The following SNURF variants were observed in gnomAD, a reference collection of about 807,000 sequenced individuals.
SNURF encodes the protein SNURF protein.
SNURF carries 6 observed loss-of-function variants against 11.6 expected under a neutral mutation model. The observed-to-expected ratio is 0.52, with a 90% CI of 0.28 to 1.02. SNURF has a LOEUF of 1.02. SNURF is among the 50% of genes least tolerant of loss of function. SNURF has a pLI of 0.09. For synonymous variants in SNURF, 29 were observed against 31.6 expected, an observed-to-expected ratio of 0.92 and a Z score of 0.27; for missense variants, 84 against 88.4, an observed-to-expected ratio of 0.95 and a Z score of 0.20.
chr15:24,963,120 GT>G (rs1303594820), intron 2 of SNURF, among the ~76,000 whole-genome samples: 2 of 152,086 alleles, frequency 1.3e-5, no homozygotes, highest in East Asian at 3.9e-4. Context: ...CACATTTGAA[GT>G]TTGTGTGCAT....
At position 24,955,128 on chromosome 15, in the gene SNURF, A is replaced by G. The variant is rs2062624973; in HGVS notation, c.14+66A>G. 4 of 1,607,846 alleles carry G rather than the reference A, an allele frequency of 2.5e-6. No individual in the cohort carries two copies. The African/African-American group carries it at 5.3e-5, about 21-fold the overall frequency. ...GAGCGGCCACTTTTATTCATCAGAT[A>G]TTCCAAGTTTTTAGGACTTGGAGTA... On this transcript the variant is annotated intron_variant, in intron 1 of 2. Coordinates refer to ENST00000577949, the Ensembl canonical transcript of SNURF.
chr15:24,967,828 A>AAAT, intron 2 of SNURF, 104 bp from the exon 3 acceptor site: 1 of 819,922 alleles, frequency 1.2e-6, no homozygotes, highest in Non-Finnish European at 1.9e-6. Context: ...AAAAAAAAAA[A>AAAT]GGAATATCTT....
intron 1 of SNURF, among the ~76,000 whole-genome samples, chr15:24,955,314 C>T (rs1020356343): frequency 6.6e-6 from 1 of 151,942 alleles, no homozygotes; most frequent in Non-Finnish European, 1.5e-5. Flanking sequence ...CGCGACAGGT[C>T]CTATTGCGGG....
chr15:24,975,592 G>A, intron 4 of SNURF: 1 of 1,145,322 alleles, frequency 8.7e-7, no homozygotes, highest in Non-Finnish European at 1.3e-6. Flanking sequence ...GATTTCCGAG[G>A]GTAACTGAAG....
chr15:24,959,452 A>G (rs2074410745), intron 1 of SNURF, among the ~76,000 whole-genome samples: 1 of 152,180 alleles, frequency 6.6e-6, no homozygotes. Flanking sequence ...CCCCGTCTCT[A>G]CATTTAAAAA....
chr15:24,959,879 A>C (rs549807388), intron 1 of SNURF, among the ~76,000 whole-genome samples: 29 of 152,210 alleles, frequency 1.9e-4, no homozygotes, highest in Non-Finnish European at 3.2e-4. Context: ...ACAAGGTTTT[A>C]CTTAGCCCTC....
chr15:24,956,352 A>AGCGGG (rs1555404299), intron 1 of SNURF, among the ~76,000 whole-genome samples: 2 of 72,446 alleles, frequency 2.8e-5, no homozygotes, highest in Non-Finnish European at 6.0e-5. Flanking sequence ...CAAGCGCTTC[A>AGCGGG]GCGGGGGGGT....
rs2075909161 is a variant in SNURF at position 24,968,089 on chromosome 15, G to T, written c.*52G>T. The T allele has an allele frequency of 3.5e-6, 5 of 1,435,760 alleles. No homozygotes were observed. The East Asian group carries it at 9.1e-5, about 26-fold the overall frequency. The allele number at this position is 1,435,760 out of a possible 1,614,324, so 88.9% of individuals were successfully genotyped here. A position where few individuals can be genotyped will look rare whatever the true frequency, so the allele number is the denominator to read the frequency against. On this transcript the variant is annotated 3_prime_UTR_variant, in exon 3 of 3. Coordinates refer to ENST00000577949, the Ensembl canonical transcript of SNURF. ...GATTCCAAGCAAAAACCAGGTTAGA[G>T]CTAATGCAGCAATGATCAAGAATAA...
downstream of SNURF, chr15:24,968,883 A>T (rs2153594974): frequency 6.6e-6 from 1 of 152,214 alleles, no homozygotes; most frequent in African/African-American, 2.4e-5. Context: ...TTTAGGAAAA[A>T]GTTATTACAA....
chr15:24,975,223 G>T, intron 3 of SNURF: 1 of 687,832 alleles, frequency 1.5e-6, no homozygotes, highest in Non-Finnish European at 2.5e-6. Context: ...GAAGAATGTT[G>T]GTGAAAAAGG....
At chr15:24,965,031 A>C (rs1010084274) in intron 2 of SNURF, among the ~76,000 whole-genome samples, 4 of 152,146 alleles carry the variant, frequency 2.6e-5, no homozygotes, top group African/African-American at 4.8e-5. Context: ...GTGCGTTTTC[A>C]TTTTGAGAGT....
At chr15:24,955,145 C>G (rs1206301251) in intron 1 of SNURF, 83 bp downstream of exon 1, 1 of 1,576,634 alleles carries the variant, frequency 6.3e-7, no homozygotes. Context: ...GTTTTTAGGA[C>G]TTGGAGTACT....
downstream of SNURF, chr15:24,978,679 A>G: frequency 1.8e-6 from 1 of 563,634 alleles, no homozygotes; most frequent in Non-Finnish European, 3.1e-6. Context: ...GATTCAAATC[A>G]TATTCTCTTT....
intron 1 of SNURF, among the ~76,000 whole-genome samples, chr15:24,959,845 C>T (rs1299924467): frequency 2.0e-5 from 3 of 152,148 alleles, no homozygotes; most frequent in East Asian, 1.9e-4. Flanking sequence ...ACGTATAATA[C>T]GTTTAATACA....
At chr15:24,962,763 A>T (rs1361575323) in intron 2 of SNURF, among the ~76,000 whole-genome samples, 1 of 152,208 alleles carries the variant, frequency 6.6e-6, no homozygotes. Flanking sequence ...AAAATAGGTG[A>T]ACATTTTAAA....
Position 24,974,522 on chromosome 15 carries a change from C to T in SNURF, c.*46-836C>T, listed in dbSNP as rs1032291844. The T allele has an allele frequency of 4.1e-6, 6 of 1,460,414 alleles. No individual in the cohort carries two copies. In the Admixed American group the frequency reaches 1.0e-4, roughly 24 times the overall value. 90.5% of individuals were successfully genotyped at this position (1,460,414 alleles called of 1,614,324 possible). A position where few individuals can be genotyped will look rare whatever the true frequency, so the allele number is the denominator to read the frequency against. On this transcript the variant is annotated intron_variant and NMD_transcript_variant, in intron 3 of 6. Coordinates refer to the SNURF transcript ENST00000580062. ...AGGGCCGAAAGAAATAGTTTGCCAG[C>T]ATGTGCAGTGATCTTGGGTTCTGAA...
intron 3 of SNURF, chr15:24,974,393 C>T: frequency 6.5e-7 from 1 of 1,548,476 alleles, no homozygotes; most frequent in East Asian, 2.2e-5. Context: ...ATAGCCTTCC[C>T]CTAGGTCTTC....
chr15:24,965,209 T>G (rs182874488), intron 2 of SNURF, among the ~76,000 whole-genome samples: 1 of 152,296 alleles, frequency 6.6e-6, no homozygotes, highest in East Asian at 1.9e-4. Flanking sequence ...GGAGGCAGTC[T>G]TCCTGGAGGA....
intron 2 of SNURF, 91 bp downstream of exon 2, chr15:24,962,300 C>A: frequency 2.9e-6 from 3 of 1,032,778 alleles, no homozygotes; most frequent in Non-Finnish European, 4.5e-6. Flanking sequence ...TTAAAATGAA[C>A]ATAATTGAAG....
Sources: allele counts gnomAD v4.1 joint callset (sites outside exome capture counted in the v4.1 genomes callset), GRCh38; gene constraint gnomAD v4.1.1; transcripts MANE v1.5; gene names NCBI Gene and HGNC (gene_info 2026-07-23, HGNC 2026-07-21).